The following CEP128 variants were observed in gnomAD, a reference collection of about 807,000 sequenced individuals.
CEP128 encodes centrosomal protein 128.
In CEP128, 132 loss-of-function variants were observed where a neutral mutation model predicts 156.7. The observed-to-expected ratio is 0.84, with a 90% confidence interval of 0.73 to 0.97. The LOEUF (loss-of-function observed/expected upper bound fraction) is 0.97. CEP128 is among the 50% of genes least tolerant of loss of function. CEP128 has a pLI of 0.00. For missense variants in CEP128, 1,252 were observed against 1,281.9 expected, an observed-to-expected ratio of 0.98 and a Z score of 0.36; for synonymous variants, 469 against 448.9, an observed-to-expected ratio of 1.04 and a Z score of -0.57.
At chr14:80,896,355 G>T (rs369905807) in intron 7 of CEP128, among the ~76,000 whole-genome samples, 27 of 152,244 alleles carry the variant, frequency 1.8e-4, no homozygotes, top group Middle Eastern at 3.4e-3. Flanking sequence ...AAGCCCTTCT[G>T]TCTAGCACTG....
intron 20 of CEP128, 23 bp downstream of exon 20, chr14:80,580,351 G>T: frequency 6.6e-7 from 1 of 1,525,696 alleles, no homozygotes; most frequent in Non-Finnish European, 9.1e-7. Context: ...TACCAAGCAT[G>T]CTTGCCCTAT....
At chr14:80,821,600 TACACACACACACACACACACAC>T (rs71103885) in intron 13 of CEP128, among the ~76,000 whole-genome samples, 38 of 145,376 alleles carry the variant, frequency 2.6e-4, no homozygotes, top group Admixed American at 1.4e-3. Flanking sequence ...CATACACACA[TACACACACACACACACACACAC>T]ACACACACAC....
At chr14:80,477,094 C>A (rs1045405638) in exon 15 of CEP128, 7 of 152,144 alleles carry the variant, frequency 4.6e-5, no homozygotes, top group African/African-American at 1.4e-4. Context: ...CCACATCATA[C>A]AATTAAGAAT....
intron 23 of CEP128, among the ~76,000 whole-genome samples, chr14:80,525,661 G>A (rs1002371260): frequency 3.3e-5 from 5 of 152,168 alleles, no homozygotes; most frequent in African/African-American, 1.2e-4. Context: ...CACCACTATA[G>A]TGAATATACG....
chr14:80,703,818 G>A (rs1216848850), intron 19 of CEP128, among the ~76,000 whole-genome samples: 2 of 151,918 alleles, frequency 1.3e-5, no homozygotes, highest in Non-Finnish European at 2.9e-5. Context: ...TGTGTATTTA[G>A]TTTCATGCAA....
At chr14:80,617,580 A>G (rs1158337129) in intron 19 of CEP128, among the ~76,000 whole-genome samples, 1 of 152,066 alleles carries the variant, frequency 6.6e-6, no homozygotes, top group Admixed American at 6.6e-5. Context: ...GTGGACTGGT[A>G]ATAACTACTC....
At chr14:80,483,844 G>A (rs898183944) in intron 14 of CEP128, among the ~76,000 whole-genome samples, 2 of 152,128 alleles carry the variant, frequency 1.3e-5, no homozygotes, top group African/African-American at 4.8e-5. Context: ...TGCTTTCTAG[G>A]TACCATTAGT....
intron 20 of CEP128, among the ~76,000 whole-genome samples, chr14:80,572,423 T>C (rs946130131): frequency 6.6e-6 from 1 of 152,222 alleles, no homozygotes; most frequent in African/African-American, 2.4e-5. Flanking sequence ...ACCCAGAATA[T>C]TGCTTTTCAC....
At chr14:80,790,668 T>C (rs535117334) in intron 14 of CEP128, among the ~76,000 whole-genome samples, 175 of 152,070 alleles carry the variant, frequency 1.2e-3, no homozygotes, top group Admixed American at 1.9e-3. Flanking sequence ...TCTGATAACC[T>C]TACTAAGATT....
At chr14:80,881,957 A>ACAAG (rs1888572067) in intron 8 of CEP128, among the ~76,000 whole-genome samples, 1 of 152,214 alleles carries the variant, frequency 6.6e-6, no homozygotes, top group Admixed American at 6.5e-5. Context: ...CTGGAACAAG[A>ACAAG]CAAGAATGCC....
intron 13 of CEP128, among the ~76,000 whole-genome samples, chr14:80,804,535 A>G (rs886214736): frequency 1.2e-4 from 18 of 152,174 alleles, no homozygotes; most frequent in South Asian, 1.0e-3. Flanking sequence ...CCTGTCCAAA[A>G]TATGACTTCT....
chr14:80,715,299 C>T (rs1321610527), intron 19 of CEP128, among the ~76,000 whole-genome samples: 1 of 152,044 alleles, frequency 6.6e-6, no homozygotes, highest in Non-Finnish European at 1.5e-5. Context: ...TCAAGACATG[C>T]AAATAGTCTT....
chr14:80,713,688 T>C lies in CEP128; in HGVS notation c.2806+29387A>G, dbSNP rs143065507. 5.7e-4 allele frequency among the ~76,000 whole-genome samples: 87 copies of C among 152,320 alleles called. 1 individual carries two copies. Among genetic ancestry groups the C allele is most frequent in the Middle Eastern group, 3.4e-3 (1 of 294 alleles). On this transcript the variant is annotated intron_variant, in intron 19 of 24. Coordinates refer to ENST00000555265, the MANE Select transcript of CEP128 (RefSeq NM_152446.5). The stretch of plus-strand genomic sequence containing the variant: ...TCTCCCCTGTTTTGCACATAGTAGA[T>C]TGATTGTTGTGTATCCACTTAAAGC...
chr14:80,937,174 A>T (rs56343573), intron 2 of CEP128, among the ~76,000 whole-genome samples: 34,338 of 151,886 alleles, frequency 0.23, 4,148 homozygotes, highest in South Asian at 0.34. Flanking sequence ...AAACAAAATT[A>T]GCCAGGTGTG....
At chr14:80,773,964 T>C (rs1900651033) in intron 16 of CEP128, among the ~76,000 whole-genome samples, 1 of 152,204 alleles carries the variant, frequency 6.6e-6, no homozygotes, top group African/African-American at 2.4e-5. Flanking sequence ...CAAATGAATA[T>C]GTAAAAATCT....
chr14:80,883,116 A>C (rs563308731), intron 8 of CEP128, among the ~76,000 whole-genome samples: 1 of 152,298 alleles, frequency 6.6e-6, no homozygotes, highest in Non-Finnish European at 1.5e-5. Context: ...CTCTGATGTG[A>C]TTATTACACA....
At chr14:80,652,428 T>G (rs1447958395) in intron 19 of CEP128, among the ~76,000 whole-genome samples, 1 of 152,142 alleles carries the variant, frequency 6.6e-6, no homozygotes, top group Admixed American at 6.5e-5. Context: ...AAGAGAACAA[T>G]TTTTGTAATC....
chr14:80,767,054 T>C (rs908389201), intron 16 of CEP128, among the ~76,000 whole-genome samples: 1 of 152,056 alleles, frequency 6.6e-6, no homozygotes, highest in African/African-American at 2.4e-5. Flanking sequence ...GAAACTATCC[T>C]GAACAAAAAT....
In CEP128 at chr14:80,761,590, C is replaced by T. The variant is rs1272786023; in HGVS notation, c.2400G>A (p.Glu800=). 6.2e-7 allele frequency: 1 copy of T among 1,605,420 alleles called. No individual in the cohort carries two copies. The highest frequency in any genetic ancestry group is 8.5e-7 in the Non-Finnish European group (1 of 1,175,014). Residue 800 remains glutamate (E), a synonymous_variant, in exon 17 of 25, where the codon GAG becomes GAA. Coordinates refer to ENST00000555265, the MANE Select transcript of CEP128 (RefSeq NM_152446.5). ...CCTCTTCCATCCTCCTTAAGTGCTC[C>T]TCTTCAATGCTTATATGTTTTTCCT... The part of the protein sequence containing the change: ...EEREKHISIE[E]EHLRRMEEAR...
Sources: gnomAD v4.1 joint callset for allele counts (sites outside exome capture counted in the v4.1 genomes callset) on GRCh38, gnomAD v4.1.1 for gene constraint, MANE v1.5 for transcripts, NCBI Gene and HGNC (gene_info 2026-07-23, HGNC 2026-07-21) for gene names.